KIAA1328: variants seen among roughly 807,000 people sequenced by gnomAD.
KIAA1328 encodes the protein protein hinderin.
KIAA1328 carries 52 observed loss-of-function variants against 68.1 expected under a neutral mutation model. The observed-to-expected ratio is 0.76, with a 90% confidence interval of 0.61 to 0.96. The LOEUF (loss-of-function observed/expected upper bound fraction) is 0.96, where lower values mean the gene tolerates loss of function less well. Ranked by LOEUF, KIAA1328 falls within the 40% of genes least tolerant of loss-of-function variation. KIAA1328 has a pLI of 0.00. For synonymous variants in KIAA1328, 232 were observed against 239.4 expected, an observed-to-expected ratio of 0.97 and a Z score of 0.28; for missense variants, 641 against 677.6, an observed-to-expected ratio of 0.95 and a Z score of 0.60.
chr18:37,025,250 T>G (rs747660361), intron 6 of KIAA1328, among the ~76,000 whole-genome samples: 1 of 152,086 alleles, frequency 6.6e-6, no homozygotes, highest in African/African-American at 2.4e-5. Context: ...ACAAAGAGAC[T>G]TAGACTCCCA....
At chr18:36,871,964 G>T (rs917661704) in intron 4 of KIAA1328, among the ~76,000 whole-genome samples, 1 of 152,132 alleles carries the variant, frequency 6.6e-6, no homozygotes, top group Non-Finnish European at 1.5e-5. Flanking sequence ...GCCCCACTTG[G>T]TGAGAGCCCT....
chr18:37,033,274 TACTA>T (rs1456318435), intron 6 of KIAA1328, among the ~76,000 whole-genome samples: 1 of 152,210 alleles, frequency 6.6e-6, no homozygotes, highest in Non-Finnish European at 1.5e-5. Context: ...TCTGTTGACT[TACTA>T]GTCAGATTTC....
At chr18:36,868,114 G>A (rs574691361) in intron 4 of KIAA1328, among the ~76,000 whole-genome samples, 3 of 152,230 alleles carry the variant, frequency 2.0e-5, no homozygotes, top group Non-Finnish European at 2.9e-5. Flanking sequence ...AATAGAATAC[G>A]AATGTGAGTC....
intron 7 of KIAA1328, among the ~76,000 whole-genome samples, chr18:37,086,968 C>T (rs1489681521): frequency 3.3e-5 from 5 of 152,146 alleles, no homozygotes; most frequent in Admixed American, 1.3e-4. Flanking sequence ...TGTATTGTCT[C>T]TTTTGAGAAC....
chr18:37,214,463 T>C (rs2060384748), intron 9 of KIAA1328, among the ~76,000 whole-genome samples: 1 of 152,312 alleles, frequency 6.6e-6, no homozygotes. Context: ...TGGTTGTAGA[T>C]GTGTGGCATT....
At chr18:36,848,003 C>G (rs1021843140) in intron 4 of KIAA1328, among the ~76,000 whole-genome samples, 2 of 151,668 alleles carry the variant, frequency 1.3e-5, no homozygotes, top group African/African-American at 4.8e-5. Flanking sequence ...GTCTTAAAAT[C>G]AGGTAAATCC....
Position 37,117,680 on chromosome 18 carries a change from ATGATACAACTATCCTG to A in KIAA1328, c.1233-42518_1233-42503del, listed in dbSNP as rs1401487378. Reference sequence around the variant, plus strand: ...TAAAAACATCATACTTCCACCTAAGATGATACAACTATCCTGTATACTCCTGAAAACATGCTAACCC... The same window carrying A: ...TAAAAACATCATACTTCCACCTAAGATATACTCCTGAAAACATGCTAACCC... On this transcript the variant is annotated intron_variant, in intron 7 of 9. Coordinates refer to ENST00000280020, the MANE Select transcript of KIAA1328 (RefSeq NM_020776.3). Among the ~76,000 whole-genome samples the A allele has an allele frequency of 1.1e-4, 17 of 152,124 alleles. 1 individual carries two copies. Among genetic ancestry groups the A allele is most frequent in the Non-Finnish European group, 4.4e-5 (3 of 68,008 alleles).
intron 7 of KIAA1328, chr18:37,074,890 C>A (rs2151765220): frequency 6.6e-6 from 1 of 152,210 alleles, no homozygotes; most frequent in East Asian, 1.9e-4. Context: ...TTCCAAGAAC[C>A]AAGTTGGAAA....
chr18:37,011,236 A>G (rs538712079), intron 6 of KIAA1328, among the ~76,000 whole-genome samples: 32 of 152,178 alleles, frequency 2.1e-4, no homozygotes, highest in Non-Finnish European at 4.3e-4. Context: ...GTCCACTAAT[A>G]TCTCAAACTT....
chr18:36,873,177 C>G (rs1220247583), intron 4 of KIAA1328, among the ~76,000 whole-genome samples: 5 of 152,118 alleles, frequency 3.3e-5, no homozygotes, highest in Non-Finnish European at 5.9e-5. Flanking sequence ...TTCAATTTCT[C>G]TCTTTCTTCT....
At chr18:36,953,145 C>CGT (rs1372286991) in intron 5 of KIAA1328, among the ~76,000 whole-genome samples, 2 of 150,202 alleles carry the variant, frequency 1.3e-5, no homozygotes, top group Non-Finnish European at 3.0e-5. Flanking sequence ...TGCCCCCTCT[C>CGT]GTGTGTGTGT....
chr18:36,829,438 C>A (rs575943204), intron 1 of KIAA1328: 26 of 1,310,124 alleles, frequency 2.0e-5, no homozygotes, highest in Non-Finnish European at 2.5e-5. Flanking sequence ...CGCTCACTAC[C>A]GGTGAGCTCG....
At chr18:36,955,891 AG>A (rs1386980131) in intron 5 of KIAA1328, 1 of 152,334 alleles carries the variant, frequency 6.6e-6, no homozygotes, top group African/African-American at 2.4e-5. Flanking sequence ...GTCAGAGACA[AG>A]GGTGAGGTGA....
intron 6 of KIAA1328, among the ~76,000 whole-genome samples, chr18:37,045,090 A>T (rs1414007241): frequency 2.6e-5 from 4 of 152,208 alleles, no homozygotes; most frequent in Non-Finnish European, 5.9e-5. Context: ...TAAAAATCTC[A>T]GTAAGAATTC....
intron 9 of KIAA1328, among the ~76,000 whole-genome samples, chr18:37,218,435 C>T (rs1444166742): frequency 6.6e-6 from 1 of 152,158 alleles, no homozygotes; most frequent in Admixed American, 6.5e-5. Flanking sequence ...TGGAGTTTGT[C>T]CGGCTTTCCC....
At chr18:36,996,827 A>G (rs880714) in intron 6 of KIAA1328, among the ~76,000 whole-genome samples, 90,673 of 152,150 alleles carry the variant, frequency 0.6, 28,885 homozygotes, top group East Asian at 0.87. Flanking sequence ...TCTTCACTAT[A>G]TTAGGAGGCT....
chr18:36,840,408 G>T (rs931872527), intron 3 of KIAA1328, among the ~76,000 whole-genome samples: 1 of 151,782 alleles, frequency 6.6e-6, no homozygotes, highest in African/African-American at 2.4e-5. Flanking sequence ...AACTAGAAAT[G>T]GTGGTTTGCT....
intron 6 of KIAA1328, among the ~76,000 whole-genome samples, chr18:37,044,773 T>C (rs1283208074): frequency 7.1e-6 from 1 of 140,380 alleles, no homozygotes; most frequent in Non-Finnish European, 1.5e-5. Context: ...CACTCCAGCC[T>C]GGGCGACAGA....
chr18:36,912,280 C>G (rs2049483882), intron 5 of KIAA1328, among the ~76,000 whole-genome samples: 1 of 152,078 alleles, frequency 6.6e-6, no homozygotes, highest in African/African-American at 2.4e-5. Flanking sequence ...GGACTGTTAC[C>G]CTTCTGGAGG....
Sources: allele counts gnomAD v4.1 joint callset (sites outside exome capture counted in the v4.1 genomes callset), GRCh38; gene constraint gnomAD v4.1.1; transcripts MANE v1.5; gene names NCBI Gene and HGNC (gene_info 2026-07-23, HGNC 2026-07-21).